Variants in CNTNAP2 observed in about 807,000 individuals in gnomAD.
CNTNAP2 encodes the protein contactin associated protein 2, also known as contactin-associated protein-like 2.
In CNTNAP2, 98 loss-of-function variants were observed where a neutral mutation model predicts 155.2. The observed-to-expected ratio is 0.63, with a 90% CI of 0.54 to 0.75. The LOEUF is 0.75. CNTNAP2 is among the 30% of genes least tolerant of loss of function. CNTNAP2 has a pLI of 0.00. For synonymous variants in CNTNAP2, 651 were observed against 631.2 expected (o/e 1.03, Z -0.47); for missense variants, 1,727 against 1,688.1 (o/e 1.02, Z -0.40).
At chr7:146,137,508 A>T (rs577725279) in intron 1 of CNTNAP2, among the ~76,000 whole-genome samples, 2 of 152,256 alleles carry the variant, frequency 1.3e-5, no homozygotes, top group South Asian at 4.1e-4. Context: ...TTGAAAGAAG[A>T]AGGTGAGCTG....
chr7:146,456,018 A>G (rs73462721), intron 1 of CNTNAP2, among the ~76,000 whole-genome samples: 4,173 of 152,236 alleles, frequency 0.027, 139 homozygotes, highest in African/African-American at 0.074. Context: ...ACATGCATAC[A>G]TATCACTCAT....
chr7:148,277,082 A>C (rs1796882228), intron 21 of CNTNAP2, among the ~76,000 whole-genome samples: 1 of 151,928 alleles, frequency 6.6e-6, no homozygotes, highest in Middle Eastern at 3.4e-3. Context: ...GCTTCTTTCT[A>C]TAAGGTGGGG....
In CNTNAP2 at chr7:147,033,151, T is replaced by TATATAC. The variant is rs1429300237; in HGVS notation, c.403-10751_403-10750insCATATA. ...GGTCTAGAGAGGATATTGCTGCATA[T>TATATAC]ATATATATGTATATATATATATATA... On this transcript the variant is annotated intron_variant, in intron 3 of 23. Transcript: ENST00000361727. 3.3e-3 allele frequency among the ~76,000 whole-genome samples: 231 copies of TATATAC among 70,896 alleles called. 1 individual carries two copies. Among genetic ancestry groups the TATATAC allele is most frequent in the African/African-American group, 0.012 (222 of 17,960 alleles). 46.5% of individuals were successfully genotyped at this position (70,896 alleles called of 152,430 possible). A position where few individuals can be genotyped will look rare whatever the true frequency, so the allele number is the denominator to read the frequency against.
intron 9 of CNTNAP2, among the ~76,000 whole-genome samples, chr7:147,363,231 G>A (rs998203809): frequency 2.0e-5 from 3 of 152,164 alleles, no homozygotes; most frequent in Non-Finnish European, 4.4e-5. Flanking sequence ...TCTCTGCTGT[G>A]TGAGGATATG....
At chr7:147,827,453 C>T (rs764357423) in intron 13 of CNTNAP2, among the ~76,000 whole-genome samples, 88 of 151,706 alleles carry the variant, frequency 5.8e-4, no homozygotes, top group Non-Finnish European at 1.1e-3. Context: ...TAGCACATAA[C>T]AAAAAAAATT....
intron 11 of CNTNAP2, among the ~76,000 whole-genome samples, chr7:147,509,045 C>G (rs536283733): frequency 6.6e-6 from 1 of 152,100 alleles, no homozygotes; most frequent in African/African-American, 2.4e-5. Flanking sequence ...ATAGTTTAAC[C>G]TTTACCCAGT....
intron 1 of CNTNAP2, among the ~76,000 whole-genome samples, chr7:146,229,712 G>T (rs1584813987): frequency 1.1e-5 from 1 of 92,948 alleles, no homozygotes; most frequent in East Asian, 5.9e-4. Flanking sequence ...TTCAGCCTAT[G>T]AAGTTTTTTG....
intron 21 of CNTNAP2, among the ~76,000 whole-genome samples, chr7:148,292,603 G>T (rs530734517): frequency 2.6e-5 from 4 of 152,318 alleles, no homozygotes; most frequent in African/African-American, 9.6e-5. Context: ...GAAGGGAAAA[G>T]ACAGTAGTTA....
At chr7:148,325,068 A>G (rs1341634555) in intron 21 of CNTNAP2, among the ~76,000 whole-genome samples, 1 of 152,270 alleles carries the variant, frequency 6.6e-6, no homozygotes, top group Non-Finnish European at 1.5e-5. Context: ...GCTTTTTAAC[A>G]TACATAGCAA....
chr7:146,619,610 C>T (rs1799284637), intron 1 of CNTNAP2, among the ~76,000 whole-genome samples: 2 of 152,084 alleles, frequency 1.3e-5, no homozygotes, highest in Non-Finnish European at 1.5e-5. Flanking sequence ...TGATAAGGAT[C>T]TGTGACTATA....
At chr7:147,280,365 A>G (rs1805006493) in intron 8 of CNTNAP2, among the ~76,000 whole-genome samples, 1 of 151,942 alleles carries the variant, frequency 6.6e-6, no homozygotes, top group African/African-American at 2.4e-5. Context: ...AGTCTGCTTC[A>G]TATTCAGGCG....
At chr7:147,477,246 A>C (rs1798339252) in intron 10 of CNTNAP2, among the ~76,000 whole-genome samples, 1 of 152,192 alleles carries the variant, frequency 6.6e-6, no homozygotes. Context: ...CTTTTTTAAG[A>C]GTTTCTATCA....
chr7:148,296,363 C>T (rs925968904), intron 21 of CNTNAP2, among the ~76,000 whole-genome samples: 8 of 151,436 alleles, frequency 5.3e-5, no homozygotes, highest in South Asian at 4.2e-4. Context: ...CAGTGAGACC[C>T]CCCCCGCCCA....
At chr7:146,723,401 C>T (rs920455816) in intron 1 of CNTNAP2, among the ~76,000 whole-genome samples, 5 of 152,104 alleles carry the variant, frequency 3.3e-5, no homozygotes, top group African/African-American at 7.2e-5. Flanking sequence ...CTAACTCACC[C>T]GATTTGTGGT....
intron 1 of CNTNAP2, among the ~76,000 whole-genome samples, chr7:146,755,009 T>C (rs1801970935): frequency 6.6e-6 from 1 of 151,872 alleles, no homozygotes; most frequent in East Asian, 1.9e-4. Flanking sequence ...TGTATATGGA[T>C]TATTAGCCCA....
rs147330335 is a variant in CNTNAP2, at chr7:147,022,607, G to GTT, written c.403-21300_403-21299insTT. On this transcript the variant is annotated intron_variant, in intron 3 of 23. Transcript: ENST00000361727. Reference sequence around the variant, plus strand: ...TATATATACACATACACAAACACATGGTTTTTTTTTTTTTATTACTAACCT... The same window carrying GTT: ...TATATATACACATACACAAACACATGTTGTTTTTTTTTTTTTATTACTAACCT... 1.2e-3 allele frequency among the ~76,000 whole-genome samples: 155 copies of GTT among 134,510 alleles called. 2 individuals carry two copies. The highest frequency in any genetic ancestry group is 6.0e-3 in the South Asian group (27 of 4,480). The allele number at this position is 134,510 out of a possible 152,430, so 88.2% of individuals were successfully genotyped here. A position where few individuals can be genotyped will look rare whatever the true frequency, so the allele number is the denominator to read the frequency against.
intron 3 of CNTNAP2, among the ~76,000 whole-genome samples, chr7:146,864,990 TAAAAAAAA>T (rs55646482): frequency 1.2e-5 from 1 of 84,030 alleles, no homozygotes; most frequent in Non-Finnish European, 2.2e-5. Flanking sequence ...AGAGTCTATC[TAAAAAAAA>T]AAAAAAAAAA....
chr7:147,292,302 A>G (rs986743031), intron 8 of CNTNAP2, among the ~76,000 whole-genome samples: 4 of 152,180 alleles, frequency 2.6e-5, no homozygotes, highest in African/African-American at 9.7e-5. Flanking sequence ...TTCATTCACC[A>G]TTAAATTGTC....
chr7:147,698,452 T>G (rs1796191677), intron 13 of CNTNAP2, among the ~76,000 whole-genome samples: 1 of 152,242 alleles, frequency 6.6e-6, no homozygotes, highest in Non-Finnish European at 1.5e-5. Context: ...TAAAATAATG[T>G]CAGTTACCAA....
Sources: gnomAD v4.1 joint callset for allele counts (sites outside exome capture counted in the v4.1 genomes callset) on GRCh38, gnomAD v4.1.1 for gene constraint, MANE v1.5 for transcripts, NCBI Gene and HGNC (gene_info 2026-07-23, HGNC 2026-07-21) for gene names.